Variants in TTC6 observed in about 807,000 individuals in gnomAD.
TTC6 encodes the protein tetratricopeptide repeat domain 6, also known as tetratricopeptide repeat protein 6.
Under a neutral mutation model 210.4 loss-of-function variants are expected in TTC6, and 172 were observed. The ratio of observed to expected loss-of-function variants is 0.82; its 90% CI spans 0.72 to 0.93. The LOEUF (loss-of-function observed/expected upper bound fraction) is 0.93. Among genes scored for constraint, TTC6 ranks in the 40% least tolerant of loss-of-function variants. The pLI is 0.00. For missense variants in TTC6, 2,414 were observed against 2,318.1 expected (o/e 1.04, Z -0.85); for synonymous variants, 804 against 819.6 (o/e 0.98, Z 0.32).
chr14:37,825,478 T>C (rs2096168759), intron 27 of TTC6, among the ~76,000 whole-genome samples: 1 of 152,068 alleles, frequency 6.6e-6, no homozygotes, highest in Non-Finnish European at 1.5e-5. Flanking sequence ...TTTTAGCCCA[T>C]CAGAAAAAAA....
At chr14:37,653,287 T>C (rs924334653) in intron 1 of TTC6, among the ~76,000 whole-genome samples, 10 of 152,210 alleles carry the variant, frequency 6.6e-5, no homozygotes, top group African/African-American at 2.4e-4. Flanking sequence ...TCCTCTTTCA[T>C]TTATTTGCGA....
At chr14:37,622,843 G>C (rs1236837489) in exon 1 of TTC6, 1 of 1,534,178 alleles carries the variant, frequency 6.5e-7, no homozygotes, top group Non-Finnish European at 8.7e-7. Flanking sequence ...AGCGACGCGC[G>C]GGAGGCCGCC....
chr14:37,781,127 C>A (rs1348800090), intron 14 of TTC6, among the ~76,000 whole-genome samples: 1 of 152,114 alleles, frequency 6.6e-6, no homozygotes, highest in Non-Finnish European at 1.5e-5. Context: ...GATTTATAAT[C>A]CTTTGTGTAT....
intron 1 of TTC6, among the ~76,000 whole-genome samples, chr14:37,606,373 G>A (rs1467291540): frequency 1.3e-5 from 2 of 152,134 alleles, no homozygotes; most frequent in Non-Finnish European, 2.9e-5. Flanking sequence ...GGAGGACAAT[G>A]GTGCAGGACT....
chr14:37,699,367 G>T (rs1686232562), intron 4 of TTC6, among the ~76,000 whole-genome samples: 1 of 152,192 alleles, frequency 6.6e-6, no homozygotes, highest in South Asian at 2.1e-4. Context: ...AAAGTATAAA[G>T]AAATTAATTG....
rs1595322265 is a variant in TTC6 at position 37,826,508 on chromosome 14, T to C, written c.5127+161T>C. Among the ~76,000 whole-genome samples, 3 of 152,216 alleles carry C rather than the reference T, an allele frequency of 2.0e-5. No individual in the cohort carries two copies. The South Asian group carries it at 6.2e-4, about 32-fold the overall frequency. The stretch of plus-strand genomic sequence containing the variant: ...AAGTGATCCCTAGGGTAAAGAGTTA[T>C]GGCTTGCCAATTTTATAACTGAAAT... On this transcript the variant is annotated intron_variant, in intron 28 of 30. Transcript: ENST00000553443.
chr14:37,673,769 C>T (rs1044470599), intron 1 of TTC6, among the ~76,000 whole-genome samples: 1 of 152,112 alleles, frequency 6.6e-6, no homozygotes, highest in Non-Finnish European at 1.5e-5. Context: ...TTTTACTGAT[C>T]CTTCAAGGTC....
chr14:37,778,624 A>C (rs952673987), intron 14 of TTC6, among the ~76,000 whole-genome samples: 3 of 152,036 alleles, frequency 2.0e-5, no homozygotes, highest in African/African-American at 7.2e-5. Context: ...AGAGTTGGGG[A>C]GGCCCTGGTG....
At chr14:37,763,801 A>T (rs1349182211) in intron 14 of TTC6, among the ~76,000 whole-genome samples, 1 of 151,630 alleles carries the variant, frequency 6.6e-6, no homozygotes, top group African/African-American at 2.4e-5. Context: ...TATTTCATTT[A>T]TCTTTGCTCT....
chr14:37,649,402 GC>G (rs1215397747), intron 1 of TTC6, among the ~76,000 whole-genome samples: 1 of 152,060 alleles, frequency 6.6e-6, no homozygotes, highest in Non-Finnish European at 1.5e-5. Context: ...CTGGGTATAA[GC>G]CCCTAGCCCA....
At chr14:37,744,631 A>C (rs2095930528) in intron 10 of TTC6, among the ~76,000 whole-genome samples, 1 of 152,200 alleles carries the variant, frequency 6.6e-6, no homozygotes, top group Non-Finnish European at 1.5e-5. Flanking sequence ...GGTGCCTTGC[A>C]GGCCAGAGTA....
At chr14:37,789,715 T>C (rs1038390531) in intron 15 of TTC6, among the ~76,000 whole-genome samples, 1 of 151,136 alleles carries the variant, frequency 6.6e-6, no homozygotes, top group Non-Finnish European at 1.5e-5. Context: ...AAGTACACTC[T>C]ATGATCTTTG....
rs376926283 is a variant in TTC6, at chr14:37,725,324, A to G, written c.1818+322A>G. Among the ~76,000 whole-genome samples, 64 of 83,906 alleles carry G rather than the reference A, an allele frequency of 7.6e-4. 1 individual carries two copies. Among genetic ancestry groups the G allele is most frequent in the African/African-American group, 2.2e-3 (53 of 24,624 alleles). 55.0% of individuals were successfully genotyped at this position (83,906 alleles called of 152,430 possible). ...TGTGTGTGTGTGTGTATATATATAT[A>G]TATATATATATATATATATATATAT... is the stretch of plus-strand genomic sequence containing the variant. On this transcript the variant is annotated intron_variant, in intron 7 of 30. Coordinates refer to ENST00000553443, the Ensembl canonical transcript of TTC6.
intron 29 of TTC6, among the ~76,000 whole-genome samples, chr14:37,833,496 TG>T (rs1302612056): frequency 3.3e-5 from 5 of 152,174 alleles, no homozygotes; most frequent in African/African-American, 1.2e-4. Flanking sequence ...GTGTCCTTAA[TG>T]GGTAAAATGT....
chr14:37,811,040 C>T (rs992793948), intron 24 of TTC6, among the ~76,000 whole-genome samples: 1 of 152,176 alleles, frequency 6.6e-6, no homozygotes, highest in African/African-American at 2.4e-5. Context: ...GTAATGATAA[C>T]AGAGGCATGG....
chr14:37,814,085 T>A (rs560180117), intron 25 of TTC6, among the ~76,000 whole-genome samples: 1 of 152,280 alleles, frequency 6.6e-6, no homozygotes, highest in South Asian at 2.1e-4. Context: ...AGTTATTCCT[T>A]TGCTCAAAAC....
At chr14:37,760,520 C>T (rs2095981030) in intron 14 of TTC6, among the ~76,000 whole-genome samples, 1 of 152,190 alleles carries the variant, frequency 6.6e-6, no homozygotes, top group Admixed American at 6.5e-5. Flanking sequence ...TAGCAGAGCT[C>T]AAGTGCTGTG....
chr14:37,762,197 T>C (rs879035916), intron 14 of TTC6, among the ~76,000 whole-genome samples: 1 of 152,202 alleles, frequency 6.6e-6, no homozygotes, highest in Non-Finnish European at 1.5e-5. Flanking sequence ...ATTGTGTATA[T>C]AAGACACATT....
chr14:37,616,566 G>A (rs983465673), intron 2 of TTC6, among the ~76,000 whole-genome samples: 7 of 152,024 alleles, frequency 4.6e-5, no homozygotes, highest in Non-Finnish European at 5.9e-5. Context: ...GCATGGTGGC[G>A]GGTCTCTGTA....
Sources: gnomAD v4.1 joint callset for allele counts (sites outside exome capture counted in the v4.1 genomes callset) on GRCh38, gnomAD v4.1.1 for gene constraint, MANE v1.5 for transcripts, NCBI Gene and HGNC (gene_info 2026-07-23, HGNC 2026-07-21) for gene names.